REPS1: variants seen among roughly 807,000 people sequenced by gnomAD.
REPS1 encodes RALBP1 associated Eps domain containing 1.
In REPS1, 39 loss-of-function variants were observed where a neutral mutation model predicts 100.9. The observed-to-expected ratio is 0.39, with a 90% CI of 0.30 to 0.50. The LOEUF (loss-of-function observed/expected upper bound fraction) is 0.50, where lower values mean the gene tolerates loss of function less well. REPS1 is among the 20% of genes least tolerant of loss of function. REPS1 has a pLI of 0.86. For synonymous variants in REPS1, 324 were observed against 340.3 expected (o/e 0.95, Z 0.53); for missense variants, 821 against 968.5 (o/e 0.85, Z 2.02).
chr6:138,954,577 G>A (rs1400175523), intron 1 of REPS1, among the ~76,000 whole-genome samples: 2 of 151,740 alleles, frequency 1.3e-5, no homozygotes, highest in Non-Finnish European at 2.9e-5. Flanking sequence ...GTGTTGGGCT[G>A]CATTCAAAGC....
intron 6 of REPS1, 128 bp from the exon 7 acceptor site, chr6:138,943,704 G>A: frequency 1.0e-6 from 1 of 993,836 alleles, no homozygotes; most frequent in Non-Finnish European, 1.4e-6. Context: ...CATGTTTTTG[G>A]CCCCCAGTGA....
At chr6:138,955,457 A>AAGTGTGTGTGTGTGTGTGTGTGT (rs10689184) in intron 1 of REPS1, among the ~76,000 whole-genome samples, 57 of 90,718 alleles carry the variant, frequency 6.3e-4, no homozygotes, top group Admixed American at 7.9e-4. Flanking sequence ...AAAAAAAAAA[A>AAGTGTGTGTGTGTGTGTGTGTGT]GTGTGTGTGT....
chr6:138,922,289 A>G (rs978492425), intron 10 of REPS1, among the ~76,000 whole-genome samples: 1 of 152,218 alleles, frequency 6.6e-6, no homozygotes, highest in Non-Finnish European at 1.5e-5. Context: ...AAGTGTTTAA[A>G]TTTGATTGTC....
chr6:138,981,669 C>T (rs903568357), intron 1 of REPS1, among the ~76,000 whole-genome samples: 1 of 152,070 alleles, frequency 6.6e-6, no homozygotes, highest in Non-Finnish European at 1.5e-5. Flanking sequence ...ATAGATTAGC[C>T]GCTCCTACAC....
intron 1 of REPS1, among the ~76,000 whole-genome samples, chr6:138,965,928 A>G (rs1783993951): frequency 6.6e-6 from 1 of 152,224 alleles, no homozygotes; most frequent in Non-Finnish European, 1.5e-5. Context: ...GTTTACAATA[A>G]AACATTTAAA....
intron 18 of REPS1, among the ~76,000 whole-genome samples, 178 bp from the exon 19 acceptor site, chr6:138,907,778 A>G (rs1260623289): frequency 1.3e-5 from 2 of 151,720 alleles, no homozygotes; most frequent in African/African-American, 2.4e-5. Flanking sequence ...GCACTATAGG[A>G]AAGGTTAAAA....
chr6:138,908,554 C>A (rs1779807933), intron 18 of REPS1, 114 bp downstream of exon 18: 33 of 1,142,276 alleles, frequency 2.9e-5, no homozygotes, highest in Non-Finnish European at 4.0e-5. Flanking sequence ...CTCAGCCTCC[C>A]AAAATGCTGG....
chr6:138,952,846 T>C (rs942434101), intron 1 of REPS1, among the ~76,000 whole-genome samples: 4 of 151,622 alleles, frequency 2.6e-5, no homozygotes, highest in Admixed American at 6.6e-5. Flanking sequence ...TTTTTTTTTT[T>C]TGAGACACAG....
At chr6:138,963,113 A>G (rs1391844644) in intron 1 of REPS1, among the ~76,000 whole-genome samples, 1 of 84,320 alleles carries the variant, frequency 1.2e-5, no homozygotes, top group Non-Finnish European at 2.0e-5. Flanking sequence ...ATCTCGAAAT[A>G]ACTAACTAAC....
At chr6:138,936,827 A>G (rs1414197120) in intron 8 of REPS1, among the ~76,000 whole-genome samples, 4 of 152,218 alleles carry the variant, frequency 2.6e-5, no homozygotes, top group Non-Finnish European at 5.9e-5. Context: ...AAAGCCAGAA[A>G]ACAACCCCAA....
chr6:138,926,658 G>A, intron 9 of REPS1, 177 bp from the exon 10 acceptor site: 1 of 566,920 alleles, frequency 1.8e-6, no homozygotes, highest in Non-Finnish European at 3.2e-6. Flanking sequence ...TGGGTCACTT[G>A]TAATGTAAGG....
chr6:138,944,613 G>A lies in REPS1; in HGVS notation c.638C>T (p.Ala213Val). Residue 213 changes from alanine to valine, a missense_variant, in exon 5 of 20, where the codon GCT (alanine) becomes GTT (valine). Ala to Val is a moderately conservative substitution (Grantham distance 64). Around this residue, in one of 3 missense-constraint regions of REPS1, gnomAD observed 757 missense variants for 866.4 expected, o/e 0.87. Coordinates refer to ENST00000450536, the MANE Select transcript of REPS1 (RefSeq NM_001286611.2). ...PFGEAQSGSS[A>V]GDAVWSGHSP... Reference sequence around the variant, plus strand: ...ATGCCCTGACCACACTGCATCACCAGCAGAAGAACCTATAAGGAGAATGGG... The same window carrying A: ...ATGCCCTGACCACACTGCATCACCAACAGAAGAACCTATAAGGAGAATGGG... 1.2e-6 allele frequency: 2 copies of A among 1,613,472 alleles called. No individual in the cohort carries two copies. The highest frequency in any genetic ancestry group is 1.7e-6 in the Non-Finnish European group (2 of 1,179,812).
At chr6:138,921,397 C>T (rs561731047) in intron 10 of REPS1, among the ~76,000 whole-genome samples, 1 of 151,648 alleles carries the variant, frequency 6.6e-6, no homozygotes, top group South Asian at 2.1e-4. Flanking sequence ...CTGACGCTCA[C>T]ACCTGTAATG....
rs1215454077 is a variant in REPS1 at position 138,904,388 on chromosome 6, C to G, written c.*676G>C. ...AATTAAGAAAGGCCATTACTCATACCTATTTCATAAGTTTACATGACTGCT... is the reference window on the plus strand; with the variant it reads ...AATTAAGAAAGGCCATTACTCATACGTATTTCATAAGTTTACATGACTGCT... On this transcript the variant is annotated 3_prime_UTR_variant, in exon 20 of 20. Coordinates refer to ENST00000450536, the MANE Select transcript of REPS1 (RefSeq NM_001286611.2). 6.6e-6 allele frequency: 1 copy of G among 152,138 alleles called. No individual in the cohort carries two copies. Among genetic ancestry groups the G allele is most frequent in the Non-Finnish European group, 1.5e-5 (1 of 68,024 alleles). The allele number at this position is 152,138 out of a possible 1,614,324, so 9.4% of individuals were successfully genotyped here. A position where few individuals can be genotyped will look rare whatever the true frequency, so the allele number is the denominator to read the frequency against.
intron 5 of REPS1, 110 bp from the exon 6 acceptor site, chr6:138,944,125 T>A: frequency 2.0e-6 from 2 of 987,740 alleles, no homozygotes; most frequent in Non-Finnish European, 1.5e-6. Context: ...TGTGTATATT[T>A]AAAATGTAAA....
intron 1 of REPS1, among the ~76,000 whole-genome samples, chr6:138,967,381 C>G (rs1784082574): frequency 6.6e-6 from 1 of 152,136 alleles, no homozygotes; most frequent in Non-Finnish European, 1.5e-5. Context: ...TGAAAAATAA[C>G]ACAGGTGGTT....
intron 1 of REPS1, among the ~76,000 whole-genome samples, chr6:138,961,400 C>T (rs2128492522): frequency 6.6e-6 from 1 of 152,224 alleles, no homozygotes; most frequent in African/African-American, 2.4e-5. Flanking sequence ...CCACGCCTGG[C>T]TAATTTTTTT....
intron 18 of REPS1, 51 bp downstream of exon 18, chr6:138,908,617 C>A: frequency 6.3e-7 from 1 of 1,596,542 alleles, no homozygotes; most frequent in South Asian, 1.1e-5. Context: ...TTTTAATTGT[C>A]GTGCTTTTTC....
chr6:138,946,809 A>G (rs1217707438), intron 2 of REPS1, among the ~76,000 whole-genome samples: 1 of 152,190 alleles, frequency 6.6e-6, no homozygotes, highest in Non-Finnish European at 1.5e-5. Flanking sequence ...TAGAATTTCT[A>G]TCTTCTTTCA....
Sources: allele counts gnomAD v4.1 joint callset (sites outside exome capture counted in the v4.1 genomes callset), GRCh38; gene constraint gnomAD v4.1.1; regional missense constraint gnomAD v4.1.1; transcripts MANE v1.5; gene names NCBI Gene and HGNC (gene_info 2026-07-23, HGNC 2026-07-21).